NCOA1: variants seen among roughly 807,000 people sequenced by gnomAD.
NCOA1 encodes nuclear receptor coactivator 1.
A neutral mutation model predicts 150.9 loss-of-function variants in NCOA1; 35 were observed. The observed-to-expected ratio is 0.23, with a 90% CI of 0.18 to 0.31. NCOA1 has a LOEUF of 0.31. Ranked by LOEUF, NCOA1 falls within the 10% of genes least tolerant of loss-of-function variation. The pLI is 1.00. For synonymous variants in NCOA1, 590 were observed against 630.0 expected (o/e 0.94, Z 0.95); for missense variants, 1,491 against 1,749.3 (o/e 0.85, Z 2.63).
intron 2 of NCOA1, among the ~76,000 whole-genome samples, chr2:24,572,697 G>A (rs1230478920): frequency 2.0e-5 from 3 of 152,120 alleles, no homozygotes; most frequent in Non-Finnish European, 4.4e-5. Context: ...TTACATAGGA[G>A]TGTACTGAAG....
At chr2:24,750,178 TA>T (rs1158399063) in intron 19 of NCOA1, among the ~76,000 whole-genome samples, 1 of 152,186 alleles carries the variant, frequency 6.6e-6, no homozygotes, top group Admixed American at 6.5e-5. Context: ...AAAAACCTGG[TA>T]ATTTACTCAA....
intron 17 of NCOA1, among the ~76,000 whole-genome samples, chr2:24,733,596 T>C (rs746345234): frequency 6.6e-6 from 1 of 151,916 alleles, no homozygotes; most frequent in Non-Finnish European, 1.5e-5. Flanking sequence ...ATACAAAAGT[T>C]AGCTGGGCAT....
chr2:24,544,023 A>G lies in NCOA1; in HGVS notation c.-395-20272A>G, dbSNP rs145235047. 4.3e-3 allele frequency among the ~76,000 whole-genome samples: 658 copies of G among 152,254 alleles called. 4 individuals are homozygous for G. Among genetic ancestry groups the G allele is most frequent in the Middle Eastern group, 0.014 (4 of 294 alleles). ...AAGAAATTTTTCTAGGTGGGAGGTA[A>G]TGTTAGATTGGCTACAGTAGGAGGA... On this transcript the variant is annotated intron_variant, in intron 1 of 22. Transcript: ENST00000348332.
chr2:24,641,746 T>G (rs1240954400), intron 3 of NCOA1, among the ~76,000 whole-genome samples: 1 of 152,154 alleles, frequency 6.6e-6, no homozygotes, highest in East Asian at 1.9e-4. Flanking sequence ...TTTGTTTCCT[T>G]GTATGTGACG....
chr2:24,519,652 C>CAAAA (rs1014874055), intron 1 of NCOA1, among the ~76,000 whole-genome samples: 1 of 72,300 alleles, frequency 1.4e-5, no homozygotes, highest in Non-Finnish European at 2.7e-5. Flanking sequence ...CCTGTCTCTA[C>CAAAA]AAAAAAAAAA....
At chr2:24,562,709 G>C (rs940298456) in intron 1 of NCOA1, among the ~76,000 whole-genome samples, 8 of 152,180 alleles carry the variant, frequency 5.3e-5, no homozygotes, top group African/African-American at 1.9e-4. Flanking sequence ...TCTCTAGCAG[G>C]TGATTGGATT....
At chr2:24,553,889 C>T (rs1558789286) in intron 1 of NCOA1, among the ~76,000 whole-genome samples, 1 of 152,234 alleles carries the variant, frequency 6.6e-6, no homozygotes. Flanking sequence ...TAGAATTCAC[C>T]AAGGGAGCCT....
intron 3 of NCOA1, among the ~76,000 whole-genome samples, chr2:24,634,887 T>C (rs976149466): frequency 2.0e-5 from 3 of 152,088 alleles, no homozygotes; most frequent in Non-Finnish European, 4.4e-5. Flanking sequence ...GGCTTATTTT[T>C]AAATTGTTTT....
At chr2:24,589,218 A>G (rs1667542903) in intron 3 of NCOA1, among the ~76,000 whole-genome samples, 1 of 152,092 alleles carries the variant, frequency 6.6e-6, no homozygotes, top group South Asian at 2.1e-4. Flanking sequence ...CCACCGAGGT[A>G]CTACCAGAAC....
chr2:24,492,109 C>T (rs1406094494), intron 1 of NCOA1: 2 of 152,178 alleles, frequency 1.3e-5, no homozygotes, highest in Non-Finnish European at 1.5e-5. Flanking sequence ...CGTCCCTCTC[C>T]GTCGGCGCAG....
At chr2:24,639,615 G>A (rs915257522) in intron 3 of NCOA1, among the ~76,000 whole-genome samples, 1 of 151,720 alleles carries the variant, frequency 6.6e-6, no homozygotes, top group Non-Finnish European at 1.5e-5. Context: ...TAGGCTGAGC[G>A]TGGTGGCTCA....
chr2:24,504,428 T>C (rs1663606042), intron 1 of NCOA1, among the ~76,000 whole-genome samples: 1 of 152,244 alleles, frequency 6.6e-6, no homozygotes, highest in African/African-American at 2.4e-5. Context: ...CTAGGAAGTG[T>C]GGGTAAGAAC....
chr2:24,542,698 T>C (rs1323783285), intron 1 of NCOA1, among the ~76,000 whole-genome samples: 1 of 152,158 alleles, frequency 6.6e-6, no homozygotes, highest in African/African-American at 2.4e-5. Flanking sequence ...TGATGTAACC[T>C]CAATTTTATA....
intron 1 of NCOA1, among the ~76,000 whole-genome samples, 195 bp from the exon 2 acceptor site, chr2:24,564,100 A>G (rs1337804835): frequency 1.3e-5 from 2 of 152,186 alleles, no homozygotes; most frequent in African/African-American, 4.8e-5. Context: ...TGATATATTT[A>G]TCTATTATAC....
At chr2:24,563,235 C>T (rs1666358195) in intron 1 of NCOA1, among the ~76,000 whole-genome samples, 2 of 151,966 alleles carry the variant, frequency 1.3e-5, no homozygotes, top group Non-Finnish European at 2.9e-5. Flanking sequence ...AGTGGGAGAC[C>T]AAATGGAGTA....
In NCOA1 at chr2:24,676,579, C is replaced by T. The variant is rs930024322; in HGVS notation, c.354+3116C>T. Among the ~76,000 whole-genome samples the T allele has an allele frequency of 2.0e-5, 3 of 152,280 alleles. No homozygotes were observed. In the South Asian group the frequency reaches 6.2e-4, roughly 32 times the overall value. On this transcript the variant is annotated intron_variant, in intron 7 of 22. Coordinates refer to ENST00000348332, the MANE Select transcript of NCOA1 (RefSeq NM_003743.5). The stretch of plus-strand genomic sequence containing the variant: ...GCAAAAAGCCAGAGTGTTTTCTTAA[C>T]CTCCAAACAACTGCACTAACTCCCC...
At chr2:24,559,495 T>C (rs1666210761) in intron 1 of NCOA1, among the ~76,000 whole-genome samples, 1 of 152,186 alleles carries the variant, frequency 6.6e-6, no homozygotes. Flanking sequence ...AGTGATAGCC[T>C]GTTGTTTGTT....
intron 19 of NCOA1, among the ~76,000 whole-genome samples, chr2:24,748,200 T>C (rs1299423767): frequency 6.6e-6 from 1 of 152,198 alleles, no homozygotes; most frequent in Non-Finnish European, 1.5e-5. Flanking sequence ...GGAGAAAATA[T>C]GTAGCTTCAT....
intron 3 of NCOA1, among the ~76,000 whole-genome samples, chr2:24,629,844 A>ATATATATATG (rs1553439211): frequency 1.5e-5 from 2 of 136,064 alleles, no homozygotes; most frequent in South Asian, 2.2e-4. Context: ...ATATATATAT[A>ATATATATATG]TATGTATTTT....
Sources: allele counts gnomAD v4.1 joint callset (sites outside exome capture counted in the v4.1 genomes callset), GRCh38; gene constraint gnomAD v4.1.1; transcripts MANE v1.5; gene names NCBI Gene and HGNC (gene_info 2026-07-23, HGNC 2026-07-21).